NPHP1: variants seen among roughly 807,000 people sequenced by gnomAD.
The protein encoded by NPHP1 is nephrocystin-1.
Under a neutral mutation model 90.4 loss-of-function variants are expected in NPHP1, and 70 were observed. The ratio of observed to expected loss-of-function variants is 0.77; its 90% CI spans 0.64 to 0.95. The LOEUF (loss-of-function observed/expected upper bound fraction) is 0.95, where lower values mean the gene tolerates loss of function less well. NPHP1 is among the 40% of genes least tolerant of loss of function. NPHP1 has a pLI of 0.00. For missense variants in NPHP1, 764 were observed against 795.9 expected, an observed-to-expected ratio of 0.96 and a Z score of 0.48; for synonymous variants, 256 against 271.7, an observed-to-expected ratio of 0.94 and a Z score of 0.57.
rs1170573454 is a variant in NPHP1, at chr2:110,153,589, T to C, written c.1084-3333A>G. On this transcript the variant is annotated intron_variant, in intron 11 of 19. Transcript: ENST00000445609. ...AACACTAGTAGACTGTGGTAAGCTA[T>C]GCATGTATAAACTTAATACCTAGAA... Among the ~76,000 whole-genome samples, 2 of 152,152 alleles carry C rather than the reference T, an allele frequency of 1.3e-5. 1 individual carries two copies. Among genetic ancestry groups the C allele is most frequent in the South Asian group, 4.1e-4 (2 of 4,830 alleles).
intron 4 of NPHP1, among the ~76,000 whole-genome samples, chr2:110,174,596 T>C (rs990819451): frequency 2.6e-5 from 4 of 152,160 alleles, no homozygotes; most frequent in African/African-American, 9.7e-5. Flanking sequence ...ATGAATTCAT[T>C]GGCTCACTAA....
intron 4 of NPHP1, among the ~76,000 whole-genome samples, chr2:110,175,169 A>G (rs1192944062): frequency 1.3e-5 from 2 of 152,166 alleles, no homozygotes; most frequent in Non-Finnish European, 2.9e-5. Flanking sequence ...TTTATAGAAC[A>G]TAACTACTGT....
intron 2 of NPHP1, among the ~76,000 whole-genome samples, chr2:110,198,686 A>G (rs1685339350): frequency 6.6e-6 from 1 of 152,152 alleles, no homozygotes; most frequent in African/African-American, 2.4e-5. Flanking sequence ...AGCCGGCCCT[A>G]TTCTGGCACT....
chr2:110,138,789 C>A (rs1341032510), intron 16 of NPHP1, among the ~76,000 whole-genome samples: 1 of 152,094 alleles, frequency 6.6e-6, no homozygotes, highest in Non-Finnish European at 1.5e-5. Flanking sequence ...GTGGGAACTT[C>A]CTTCCTTCTG....
chr2:110,165,508 T>A (rs541148181), intron 6 of NPHP1, among the ~76,000 whole-genome samples: 5 of 151,806 alleles, frequency 3.3e-5, no homozygotes, highest in Admixed American at 6.6e-5. Context: ...AAAAGAAACA[T>A]AAAAGCATTA....
chr2:110,191,507 T>G (rs1050239786), intron 2 of NPHP1, among the ~76,000 whole-genome samples: 5 of 152,166 alleles, frequency 3.3e-5, no homozygotes, highest in Admixed American at 6.5e-5. Context: ...CAAAGCAGCC[T>G]GGAAGCTCAA....
intron 11 of NPHP1, among the ~76,000 whole-genome samples, chr2:110,151,254 T>C (rs1478098161): frequency 2.0e-5 from 3 of 151,226 alleles, no homozygotes; most frequent in African/African-American, 7.3e-5. Flanking sequence ...ACAGTCCTAA[T>C]AGTTCAGATA....
chr2:110,151,871 A>G (rs944644162), intron 11 of NPHP1, among the ~76,000 whole-genome samples: 2 of 152,142 alleles, frequency 1.3e-5, no homozygotes, highest in Admixed American at 6.5e-5. Context: ...TTGAAATCCT[A>G]TACTACCTCT....
Position 110,192,272 on chromosome 2 carries a change from G to T in NPHP1, c.143+9149C>A, listed in dbSNP as rs573877194. On this transcript the variant is annotated intron_variant, in intron 2 of 19. Transcript: ENST00000445609. Reference sequence around the variant, plus strand: ...TAAAAACCTTGAAAAAAGATTAGACGAATGGCTAACTAGAATAACCAATGC... The same window carrying T: ...TAAAAACCTTGAAAAAAGATTAGACTAATGGCTAACTAGAATAACCAATGC... Among the ~76,000 whole-genome samples the T allele has an allele frequency of 1.3e-4, 20 of 152,178 alleles. No homozygotes were observed. The East Asian group carries it at 3.7e-3, about 28-fold the overall frequency.
chr2:110,182,049 AT>A (rs1409361098), intron 2 of NPHP1, among the ~76,000 whole-genome samples: 1 of 152,146 alleles, frequency 6.6e-6, no homozygotes, highest in African/African-American at 2.4e-5. Context: ...CTTGAAGATT[AT>A]GTTTCTGAAT....
chr2:110,157,201 C>A (rs973683766), intron 11 of NPHP1, among the ~76,000 whole-genome samples: 1 of 152,152 alleles, frequency 6.6e-6, no homozygotes, highest in Admixed American at 6.5e-5. Flanking sequence ...ACATAAATTT[C>A]TTTCATAAAG....
chr2:110,142,868 G>C (rs1372446331), intron 16 of NPHP1, among the ~76,000 whole-genome samples: 2 of 152,182 alleles, frequency 1.3e-5, no homozygotes, highest in Non-Finnish European at 2.9e-5. Flanking sequence ...TCTTGAGTAA[G>C]TCAGGGACAG....
rs1682348644 is a variant in NPHP1 at position 110,161,634 on chromosome 2, C to T, written c.923G>A (p.Arg308Lys). Residue 308 changes from arginine to lysine, a missense_variant, in exon 10 of 20, where the codon AGA (arginine) becomes AAA (lysine). Physicochemically the swap from Arg to Lys is conservative, Grantham distance 26. Transcript: ENST00000445609. Reference protein sequence around the residue: ...PELMPSQLAFRDLMWDATEGT... With the variant: ...PELMPSQLAFKDLMWDATEGT... ...TTCTGTAGCATCCCACATCAGATCT[C>T]TGAAGGCCAGTTGTGAAGGCATGAG... The T allele has an allele frequency of 1.2e-6, 2 of 1,612,678 alleles. No individual in the cohort carries two copies. Among genetic ancestry groups the T allele is most frequent in the Non-Finnish European group, 1.7e-6 (2 of 1,178,928 alleles).
chr2:110,178,063 T>C (rs1683629184), intron 4 of NPHP1: 1 of 292,024 alleles, frequency 3.4e-6, no homozygotes, highest in South Asian at 5.2e-5. Flanking sequence ...TTTTAAAGAA[T>C]GTTTATGAAA....
At chr2:110,164,447 A>G (rs1174719606) in intron 8 of NPHP1, 2 of 786,380 alleles carry the variant, frequency 2.5e-6, no homozygotes, top group Non-Finnish European at 4.5e-6. Flanking sequence ...AATGTTTCCA[A>G]GTCCTCAAGT....
At chr2:110,203,126 A>G (rs1313387496) in intron 1 of NPHP1, among the ~76,000 whole-genome samples, 1 of 152,172 alleles carries the variant, frequency 6.6e-6, no homozygotes, top group African/African-American at 2.4e-5. Flanking sequence ...TTGCAGCAAC[A>G]TGGATGGAGC....
rs1472163671 is a variant in NPHP1 at position 110,137,137 on chromosome 2, C to T, written c.1530-5346G>A. ...GCTAGCCATATGTAGAAAGCTGAAA[C>T]TGGATCCCTTCCTTACACCTTATAC... On this transcript the variant is annotated intron_variant, in intron 16 of 19. Transcript: ENST00000445609. Among the ~76,000 whole-genome samples, 6 of 152,070 alleles carry T rather than the reference C, an allele frequency of 3.9e-5. 1 individual carries two copies. Among genetic ancestry groups the T allele is most frequent in the African/African-American group, 1.4e-4 (6 of 41,420 alleles).
At chr2:110,139,842 T>C (rs1225390975) in intron 16 of NPHP1, among the ~76,000 whole-genome samples, 1 of 152,064 alleles carries the variant, frequency 6.6e-6, no homozygotes, top group Non-Finnish European at 1.5e-5. Flanking sequence ...AGAAGGACTA[T>C]TGGTGTCATT....
At chr2:110,146,306 A>C (rs1049097187) in intron 14 of NPHP1, among the ~76,000 whole-genome samples, 1 of 152,054 alleles carries the variant, frequency 6.6e-6, no homozygotes, top group Non-Finnish European at 1.5e-5. Context: ...ATTTGCTTCC[A>C]GTCTGCCTTT....
Sources: allele counts gnomAD v4.1 joint callset (sites outside exome capture counted in the v4.1 genomes callset), GRCh38; gene constraint gnomAD v4.1.1; transcripts MANE v1.5; gene names NCBI Gene and HGNC (gene_info 2026-07-23, HGNC 2026-07-21).